Variants in OLFM3 observed in about 807,000 individuals in gnomAD.
The protein encoded by OLFM3 is noelin-3.
A neutral mutation model predicts 48.6 loss-of-function variants in OLFM3; 20 were observed. The observed-to-expected ratio is 0.41, with a 90% CI of 0.29 to 0.60. The LOEUF (loss-of-function observed/expected upper bound fraction) is 0.60. Among genes scored for constraint, OLFM3 ranks in the 20% least tolerant of loss-of-function variants. The pLI, the probability that OLFM3 is intolerant of heterozygous loss-of-function variation, is 0.28. For synonymous variants in OLFM3, 222 were observed against 198.1 expected, an observed-to-expected ratio of 1.12 and a Z score of -1.01; for missense variants, 437 against 544.3, an observed-to-expected ratio of 0.80 and a Z score of 1.96.
intron 4 of OLFM3, among the ~76,000 whole-genome samples, chr1:101,823,112 C>G (rs564928015): frequency 2.8e-4 from 43 of 151,958 alleles, no homozygotes; most frequent in Non-Finnish European, 5.4e-4. Context: ...TATTGAGTGA[C>G]TTTTCTTTGC....
At chr1:101,951,491 A>C (rs181530034) in intron 1 of OLFM3, among the ~76,000 whole-genome samples, 41 of 152,238 alleles carry the variant, frequency 2.7e-4, no homozygotes, top group African/African-American at 8.9e-4. Context: ...CATCGGAATG[A>C]TCAGATGTTG....
At chr1:101,874,631 C>A (rs560702596) in intron 1 of OLFM3, among the ~76,000 whole-genome samples, 1 of 151,968 alleles carries the variant, frequency 6.6e-6, no homozygotes, top group Non-Finnish European at 1.5e-5. Context: ...ACTTGTTACT[C>A]ACATTCAGTA....
intron 4 of OLFM3, among the ~76,000 whole-genome samples, chr1:101,806,419 A>G (rs1373625982): frequency 4.5e-4 from 69 of 151,880 alleles, no homozygotes; most frequent in Non-Finnish European, 1.5e-5. Flanking sequence ...AAAGTGGGAA[A>G]TGATTTGTAC....
chr1:101,933,981 G>A (rs1411615188), intron 1 of OLFM3, among the ~76,000 whole-genome samples: 2 of 151,834 alleles, frequency 1.3e-5, no homozygotes, highest in Admixed American at 6.5e-5. Flanking sequence ...AATATGGAAA[G>A]GAAAGACCAT....
At chr1:101,967,243 AC>A (rs1660638680) in intron 1 of OLFM3, among the ~76,000 whole-genome samples, 1 of 151,838 alleles carries the variant, frequency 6.6e-6, no homozygotes, top group African/African-American at 2.4e-5. Context: ...ACTCATGTCT[AC>A]CCTTAAATGT....
At chr1:101,942,629 A>T (rs769945758) in intron 1 of OLFM3, among the ~76,000 whole-genome samples, 2 of 152,090 alleles carry the variant, frequency 1.3e-5, no homozygotes, top group Non-Finnish European at 2.9e-5. Context: ...AGGTTTTTTC[A>T]ATTACTACTA....
chr1:101,907,096 G>T (rs1281047306), intron 1 of OLFM3, among the ~76,000 whole-genome samples: 1 of 152,156 alleles, frequency 6.6e-6, no homozygotes, highest in East Asian at 1.9e-4. Context: ...GTGACTATAT[G>T]ACATGTGCTC....
chr1:101,966,350 T>TGTGTGC (rs542204512), intron 1 of OLFM3, among the ~76,000 whole-genome samples: 5 of 99,850 alleles, frequency 5.0e-5, no homozygotes, highest in African/African-American at 1.6e-4. Flanking sequence ...TGTGTGTGTG[T>TGTGTGC]GCGCTACAGA....
In OLFM3 at chr1:101,868,032, C is replaced by T. The variant is rs139033462; in HGVS notation, c.70-31007G>A. On this transcript the variant is annotated intron_variant, in intron 1 of 5. Transcript: ENST00000370103. Reference sequence around the variant, plus strand: ...GATGTGTTTGCTTCCCCTTCCACCACGACTGTAAGTTTCCTGAGGCCTCCC... The same window carrying T: ...GATGTGTTTGCTTCCCCTTCCACCATGACTGTAAGTTTCCTGAGGCCTCCC... Among the ~76,000 whole-genome samples, 679 of 152,276 alleles carry T rather than the reference C, an allele frequency of 4.5e-3. 2 individuals carry two copies. Among genetic ancestry groups the T allele is most frequent in the Non-Finnish European group, 8.4e-3 (573 of 68,020 alleles).
At chr1:101,819,545 C>G (rs1276982782) in intron 4 of OLFM3, among the ~76,000 whole-genome samples, 1 of 151,934 alleles carries the variant, frequency 6.6e-6, no homozygotes, top group African/African-American at 2.4e-5. Context: ...TGCAGAAGAG[C>G]TGGTTTTGAG....
intron 1 of OLFM3, chr1:101,859,959 A>T (rs1656585609): frequency 6.6e-6 from 1 of 152,036 alleles, no homozygotes; most frequent in South Asian, 2.1e-4. Flanking sequence ...TATTTTTAAC[A>T]AGCTCCCAGA....
At chr1:101,904,652 G>A (rs1021250735) in intron 1 of OLFM3, among the ~76,000 whole-genome samples, 5 of 152,078 alleles carry the variant, frequency 3.3e-5, no homozygotes, top group African/African-American at 1.2e-4. Context: ...CTGGTGGCCA[G>A]CAATACAATT....
chr1:101,844,585 G>A (rs1655890219), intron 1 of OLFM3, among the ~76,000 whole-genome samples: 2 of 152,086 alleles, frequency 1.3e-5, no homozygotes, highest in South Asian at 2.1e-4. Context: ...GAATAATGAG[G>A]CTGAATTAGA....
At chr1:101,993,027 C>T (rs1042604737) in intron 1 of OLFM3, among the ~76,000 whole-genome samples, 4 of 152,094 alleles carry the variant, frequency 2.6e-5, no homozygotes, top group Admixed American at 6.5e-5. Context: ...AAACTCAGCA[C>T]GGTTCCCCTG....
intron 1 of OLFM3, among the ~76,000 whole-genome samples, chr1:101,894,536 T>A (rs1163182633): frequency 6.6e-6 from 1 of 152,182 alleles, no homozygotes; most frequent in African/African-American, 2.4e-5. Context: ...GATTGACTTT[T>A]ACTTATTTTA....
chr1:101,805,699 A>G (rs1050367822), intron 5 of OLFM3, among the ~76,000 whole-genome samples: 5 of 151,746 alleles, frequency 3.3e-5, no homozygotes, highest in African/African-American at 1.2e-4. Flanking sequence ...ATTTTTTCAT[A>G]CTAAAGAACA....
At chr1:101,925,870 C>T (rs932502503) in intron 1 of OLFM3, among the ~76,000 whole-genome samples, 2 of 152,040 alleles carry the variant, frequency 1.3e-5, no homozygotes, top group East Asian at 1.9e-4. Flanking sequence ...TTCTGTAGGA[C>T]GTTGACATAC....
chr1:101,986,070 A>G (rs959605943), intron 1 of OLFM3, among the ~76,000 whole-genome samples: 21 of 149,260 alleles, frequency 1.4e-4, no homozygotes, highest in Non-Finnish European at 2.4e-4. Flanking sequence ...GGTTCACGCC[A>G]TTCTCCTGCC....
intron 1 of OLFM3, among the ~76,000 whole-genome samples, chr1:101,930,690 T>G (rs995167021): frequency 6.6e-6 from 1 of 152,186 alleles, no homozygotes; most frequent in Non-Finnish European, 1.5e-5. Context: ...TAAAGAAAAG[T>G]GTAGTCACTA....
Sources: gnomAD v4.1 joint callset for allele counts (sites outside exome capture counted in the v4.1 genomes callset) on GRCh38, gnomAD v4.1.1 for gene constraint, MANE v1.5 for transcripts, NCBI Gene and HGNC (gene_info 2026-07-23, HGNC 2026-07-21) for gene names.